The following DOCK2 variants were observed in gnomAD, a reference collection of about 807,000 sequenced individuals.
The protein encoded by DOCK2 is dedicator of cytokinesis protein 2.
A neutral mutation model predicts 248.9 loss-of-function variants in DOCK2; 87 were observed. That is an observed-to-expected ratio of 0.35 (90% CI 0.29 to 0.42). DOCK2 has a LOEUF of 0.42. Ranked by LOEUF, DOCK2 falls within the 10% of genes least tolerant of loss-of-function variation. The pLI is 1.00. For synonymous variants in DOCK2, 805 were observed against 821.6 expected (o/e 0.98, Z 0.35); for missense variants, 1,747 against 2,300.2 (o/e 0.76, Z 4.92).
At chr5:169,864,540 A>G (rs560676852) in intron 27 of DOCK2, 81 of 1,072,692 alleles carry the variant, frequency 7.6e-5, no homozygotes, top group Admixed American at 2.3e-4. Flanking sequence ...CCCAACTAAT[A>G]TGGAAGAGCA....
intron 27 of DOCK2, among the ~76,000 whole-genome samples, chr5:169,963,366 T>C (rs922187876): frequency 6.6e-6 from 1 of 152,146 alleles, no homozygotes; most frequent in Non-Finnish European, 1.5e-5. Flanking sequence ...AGCCTTTGAT[T>C]AGGCCTCCAT....
At chr5:170,034,257 C>A in intron 34 of DOCK2, 142 bp from the exon 35 acceptor site, 1 of 1,017,310 alleles carries the variant, frequency 9.8e-7, no homozygotes, top group Non-Finnish European at 1.4e-6. Context: ...TGGATAAATA[C>A]ATGAATAAAT....
chr5:169,697,470 C>T (rs147388880), intron 10 of DOCK2, among the ~76,000 whole-genome samples: 8 of 152,296 alleles, frequency 5.3e-5, no homozygotes, highest in African/African-American at 2.4e-5. Flanking sequence ...TCCTCATCTC[C>T]ATAGTCTTTA....
intron 34 of DOCK2, 42 bp from the exon 35 acceptor site, chr5:170,034,357 C>T (rs972917753): frequency 6.2e-7 from 1 of 1,609,380 alleles, no homozygotes. Flanking sequence ...CACAGTCTTT[C>T]TCCCCAGCCA....
At chr5:169,788,769 A>G (rs1766143882) in intron 25 of DOCK2, among the ~76,000 whole-genome samples, 2 of 152,198 alleles carry the variant, frequency 1.3e-5, no homozygotes, top group South Asian at 2.1e-4. Context: ...ATTACTTGCA[A>G]TTTCATAGGA....
chr5:169,835,017 A>T (rs1459861706), intron 26 of DOCK2, among the ~76,000 whole-genome samples: 2 of 152,188 alleles, frequency 1.3e-5, no homozygotes, highest in Non-Finnish European at 2.9e-5. Flanking sequence ...ATGAAAAGGA[A>T]TCTTGGATTT....
chr5:169,996,331 C>T (rs755004701), intron 30 of DOCK2, among the ~76,000 whole-genome samples, 167 bp downstream of exon 30: 7 of 152,180 alleles, frequency 4.6e-5, no homozygotes, highest in Non-Finnish European at 1.0e-4. Flanking sequence ...AGGCTTTCAA[C>T]CAGGGCCTTG....
chr5:169,702,450 G>A (rs146647976), intron 14 of DOCK2, 23 bp downstream of exon 14: 2 of 1,612,466 alleles, frequency 1.2e-6, no homozygotes, highest in African/African-American at 2.7e-5. Flanking sequence ...CTGCTGCTCT[G>A]GGTGACAGGG....
chr5:169,911,776 A>G (rs1391662840), intron 27 of DOCK2, among the ~76,000 whole-genome samples: 1 of 152,244 alleles, frequency 6.6e-6, no homozygotes, highest in African/African-American at 2.4e-5. Flanking sequence ...GACAGGTGGC[A>G]TATTGGGTCA....
intron 25 of DOCK2, among the ~76,000 whole-genome samples, chr5:169,772,754 T>C (rs2113775036): frequency 6.6e-6 from 1 of 152,282 alleles, no homozygotes; most frequent in East Asian, 1.9e-4. Flanking sequence ...CATTGAAAAA[T>C]ATTCTCCCAA....
chr5:170,064,491 A>G (rs1210994137), intron 44 of DOCK2, among the ~76,000 whole-genome samples: 1 of 151,994 alleles, frequency 6.6e-6, no homozygotes. Context: ...AGGGTTCAAT[A>G]GCTGACTAGA....
rs776418215 is a variant in DOCK2 at position 169,809,283 on chromosome 5, G to A, written c.2703+6077G>A. On this transcript the variant is annotated intron_variant, in intron 26 of 51. Coordinates refer to ENST00000520908, the MANE Select transcript of DOCK2 (RefSeq NM_004946.3). ...TGGGATTACAGGCATGAGCCACTGC[G>A]CCCGGCCAGGTTTTGATGTTTTTGT... Among the ~76,000 whole-genome samples, 7 of 152,264 alleles carry A rather than the reference G, an allele frequency of 4.6e-5. 1 individual carries two copies. In the South Asian group the frequency reaches 6.2e-4, roughly 14 times the overall value.
intron 26 of DOCK2, among the ~76,000 whole-genome samples, chr5:169,826,474 C>T (rs986112048): frequency 3.3e-5 from 5 of 152,054 alleles, no homozygotes; most frequent in African/African-American, 1.2e-4. Context: ...GAAATGAAAC[C>T]TCTCCAGACC....
chr5:169,763,923 G>A lies in DOCK2; in HGVS notation c.2554+2298G>A, dbSNP rs1299995281. Among the ~76,000 whole-genome samples, 3 of 152,156 alleles carry A rather than the reference G, an allele frequency of 2.0e-5. No homozygotes were observed. Among genetic ancestry groups the A allele is most frequent in the Admixed American group, 6.5e-5 (1 of 15,278 alleles). ...GTAACTCCTCTCCCACCATCTATTT[G>A]CTAAGTGAGCCCTGTTACCAAAATA... On this transcript the variant is annotated intron_variant, in intron 25 of 51. Coordinates refer to ENST00000520908, the MANE Select transcript of DOCK2 (RefSeq NM_004946.3). The surrounding 1 kb of genome is among the most constrained non-coding windows in gnomAD (Gnocchi z 4.1).
chr5:169,728,523 G>C (rs1194229499), intron 22 of DOCK2, among the ~76,000 whole-genome samples: 1 of 152,152 alleles, frequency 6.6e-6, no homozygotes, highest in East Asian at 1.9e-4. Context: ...AGTGTTTCAA[G>C]GAGGGAGTGT....
chr5:169,881,144 A>C (rs978734437), intron 27 of DOCK2, among the ~76,000 whole-genome samples: 1 of 152,216 alleles, frequency 6.6e-6, no homozygotes, highest in Non-Finnish European at 1.5e-5. Flanking sequence ...GCCTGCACTT[A>C]GTGTTTGATA....
At chr5:169,945,012 A>T (rs1199352590) in intron 27 of DOCK2, among the ~76,000 whole-genome samples, 10 of 152,232 alleles carry the variant, frequency 6.6e-5, no homozygotes, top group Admixed American at 6.5e-4. Context: ...GAGGATTTAA[A>T]TCCTGACTAC....
chr5:169,881,689 A>C lies in DOCK2; in HGVS notation c.2799+40837A>C, dbSNP rs555950987. On this transcript the variant is annotated intron_variant, in intron 27 of 51. Coordinates refer to ENST00000520908, the MANE Select transcript of DOCK2 (RefSeq NM_004946.3). ...ATGCTGACAACAATCCTGTTGTGAG[A>C]TGAGGGATTCTGCAGGTGAGTGGAA... Among the ~76,000 whole-genome samples, 6 of 152,296 alleles carry C rather than the reference A, an allele frequency of 3.9e-5. No individual in the cohort carries two copies. In the South Asian group the frequency reaches 1.2e-3, roughly 32 times the overall value.
At chr5:169,910,653 G>A (rs1424492318) in intron 27 of DOCK2, among the ~76,000 whole-genome samples, 1 of 152,180 alleles carries the variant, frequency 6.6e-6, no homozygotes, top group Non-Finnish European at 1.5e-5. Flanking sequence ...AGGGGCCACG[G>A]CAATGAAGTC....
Sources: allele counts gnomAD v4.1 joint callset (sites outside exome capture counted in the v4.1 genomes callset), GRCh38; gene constraint gnomAD v4.1.1; non-coding constraint Gnocchi (gnomAD v3.1); transcripts MANE v1.5; gene names NCBI Gene and HGNC (gene_info 2026-07-23, HGNC 2026-07-21).